Variants in KDM4B observed in about 807,000 individuals in gnomAD.
KDM4B encodes lysine-specific demethylase 4B.
A neutral mutation model predicts 125.2 loss-of-function variants in KDM4B; 32 were observed. The ratio of observed to expected loss-of-function variants is 0.26; its 90% confidence interval spans 0.19 to 0.34. KDM4B has a LOEUF of 0.34. KDM4B is among the 10% of genes least tolerant of loss of function. The probability of loss-of-function intolerance (pLI) is 1.00; values close to 1 mark genes in which losing one functional copy is unlikely to be tolerated. For synonymous variants in KDM4B, 721 were observed against 677.9 expected, an observed-to-expected ratio of 1.06 and a Z score of -0.99; for missense variants, 1,190 against 1,577.7, an observed-to-expected ratio of 0.75 and a Z score of 4.16.
chr19:4,984,651 C>T (rs1348001385), intron 1 of KDM4B, among the ~76,000 whole-genome samples: 1 of 152,132 alleles, frequency 6.6e-6, no homozygotes, highest in Non-Finnish European at 1.5e-5. Flanking sequence ...AGAACATGCC[C>T]CTCTGCTGCA....
At chr19:5,064,898 C>G (rs2037718975) in intron 6 of KDM4B, among the ~76,000 whole-genome samples, 1 of 152,230 alleles carries the variant, frequency 6.6e-6, no homozygotes, top group Non-Finnish European at 1.5e-5. Flanking sequence ...GCCCCGATCT[C>G]GGGTTTTCTG....
intron 18 of KDM4B, among the ~76,000 whole-genome samples, chr19:5,139,524 G>A (rs539014862): frequency 2.6e-5 from 4 of 152,296 alleles, no homozygotes; most frequent in East Asian, 1.9e-4. Context: ...GCGGCTGGAC[G>A]GACTCCCATC....
Position 5,144,009 on chromosome 19 carries a change from G to A in KDM4B, c.2593G>A (p.Ala865Thr), listed in dbSNP as rs1166097167. The change falls in exon 19 of 23, where the codon GCC becomes ACC. Residue 865 changes from alanine (A) to threonine (T), a missense_variant. Physicochemically the swap from Ala to Thr is moderately conservative, Grantham distance 58. Coordinates refer to ENST00000159111, the MANE Select transcript of KDM4B (RefSeq NM_015015.3). ...CRKRMKKVSG[A>T]CIQCSYEHCS... Reference sequence around the variant, plus strand: ...GAAGCGGATGAAGAAGGTGTCAGGTGCCTGTATCCAGTGCTCCTACGAGCA... The same window carrying A: ...GAAGCGGATGAAGAAGGTGTCAGGTACCTGTATCCAGTGCTCCTACGAGCA... 2 of 1,591,368 alleles carry A rather than the reference G, an allele frequency of 1.3e-6. No individual in the cohort carries two copies. Among genetic ancestry groups the A allele is most frequent in the South Asian group, 1.1e-5 (1 of 90,634 alleles).
chr19:5,014,572 G>T (rs2035833491), intron 1 of KDM4B, among the ~76,000 whole-genome samples: 1 of 152,048 alleles, frequency 6.6e-6, no homozygotes, highest in South Asian at 2.1e-4. Context: ...ACCGCGCCTG[G>T]CCTAAGTTTT....
intron 18 of KDM4B, among the ~76,000 whole-genome samples, chr19:5,139,611 G>T (rs942340959): frequency 1.3e-5 from 2 of 152,202 alleles, no homozygotes; most frequent in Admixed American, 1.3e-4. Context: ...TGTAGCAGCC[G>T]CCCTAGCAGG....
In KDM4B at chr19:5,082,586, T is replaced by C; in HGVS notation, c.918+82T>C. 6.9e-7 allele frequency: 1 copy of C among 1,449,768 alleles called. No homozygotes were observed. Among genetic ancestry groups the C allele is most frequent in the Non-Finnish European group, 9.2e-7 (1 of 1,086,420 alleles). 89.8% of individuals were successfully genotyped at this position (1,449,768 alleles called of 1,614,324 possible). ...GCCTCTGCAGCCACACGCCCATAGC[T>C]GGTCCAGCAGCCGTTTCGCTCAGCC... On this transcript the variant is annotated intron_variant, in intron 9 of 22. Coordinates refer to ENST00000159111, the MANE Select transcript of KDM4B (RefSeq NM_015015.3). The surrounding 1 kb of genome is among the most constrained non-coding windows in gnomAD (Gnocchi z 5.4).
At chr19:5,072,110 T>C (rs1246115304) in intron 7 of KDM4B, among the ~76,000 whole-genome samples, 2 of 152,190 alleles carry the variant, frequency 1.3e-5, no homozygotes, top group Non-Finnish European at 2.9e-5. Flanking sequence ...CAGTACAGGC[T>C]CCCGGGACTG....
At chr19:5,111,561 C>A (rs756168096) in intron 10 of KDM4B, 1 of 757,558 alleles carries the variant, frequency 1.3e-6, no homozygotes. Flanking sequence ...ACCGGCCTCC[C>A]CAGCCCCTCC....
At chr19:4,986,985 C>A (rs901412121) in intron 1 of KDM4B, among the ~76,000 whole-genome samples, 1 of 151,316 alleles carries the variant, frequency 6.6e-6, no homozygotes, top group African/African-American at 2.4e-5. Context: ...GAGACGGAGT[C>A]TTGCTCTGTC....
rs1170077698 is a variant in KDM4B at position 5,151,856 on chromosome 19, GCT to G, written c.*348_*349del. The G allele has an allele frequency of 3.5e-5, 9 of 257,348 alleles. No individual in the cohort carries two copies. The highest frequency in any genetic ancestry group is 2.0e-4 in the African/African-American group (9 of 45,186). 15.9% of individuals were successfully genotyped at this position (257,348 alleles called of 1,614,324 possible). On this transcript the variant is annotated 3_prime_UTR_variant, in exon 23 of 23. Transcript: ENST00000159111. The stretch of plus-strand genomic sequence containing the variant: ...TCTGTACATAAACCACCTTTGTGAG[GCT>G]CTTTCTATAAATACATATTGTTTAA...
chr19:5,040,374 A>G (rs1489921993), intron 4 of KDM4B, among the ~76,000 whole-genome samples: 2 of 152,078 alleles, frequency 1.3e-5, no homozygotes, highest in Non-Finnish European at 2.9e-5. Context: ...GGCACACAGG[A>G]GGGCACAGAC....
intron 1 of KDM4B, among the ~76,000 whole-genome samples, chr19:4,993,533 G>A (rs767498615): frequency 1.3e-5 from 2 of 151,450 alleles, no homozygotes; most frequent in Non-Finnish European, 2.9e-5. Context: ...ATGCATATAT[G>A]TTTATAATTG....
At chr19:5,137,412 T>TG (rs887443008) in intron 16 of KDM4B, 74 bp downstream of exon 16, 2 of 1,404,912 alleles carry the variant, frequency 1.4e-6, no homozygotes, top group African/African-American at 2.8e-5. Context: ...GGGGTGACTT[T>TG]GGGGCGTAGT....
Position 5,033,611 on chromosome 19 carries a change from CTT to C in KDM4B, c.141+584_141+585del, listed in dbSNP as rs2036527046. Among the ~76,000 whole-genome samples the C allele has an allele frequency of 3.9e-5, 6 of 152,266 alleles. No homozygotes were observed. The South Asian group carries it at 1.2e-3, about 32-fold the overall frequency. ...CAAGTCAGACCACACCAGAAACAAT[CTT>C]TTTGAGATGGCAGAGTGACTGGGTC... On this transcript the variant is annotated intron_variant, in intron 3 of 22. Coordinates refer to ENST00000159111, the MANE Select transcript of KDM4B (RefSeq NM_015015.3).
chr19:5,060,488 G>A (rs994231221), intron 6 of KDM4B, among the ~76,000 whole-genome samples: 7 of 140,470 alleles, frequency 5.0e-5, no homozygotes, highest in African/African-American at 1.8e-4. Context: ...TTCTCCAGCT[G>A]CAGTCCCTGT....
At chr19:5,120,914 TCA>T (rs1262778151) in intron 11 of KDM4B, among the ~76,000 whole-genome samples, 1 of 152,164 alleles carries the variant, frequency 6.6e-6, no homozygotes, top group Non-Finnish European at 1.5e-5. Context: ...GTCCTAGTCC[TCA>T]GTTTCCCTCT....
intron 7 of KDM4B, among the ~76,000 whole-genome samples, chr19:5,073,831 C>A (rs2038020388): frequency 6.6e-6 from 1 of 152,160 alleles, no homozygotes; most frequent in South Asian, 2.1e-4. Flanking sequence ...AAAGTATGGA[C>A]TCTGGCCAGG....
intron 6 of KDM4B, among the ~76,000 whole-genome samples, chr19:5,051,317 G>A (rs958963755): frequency 3.9e-5 from 6 of 152,372 alleles, no homozygotes; most frequent in African/African-American, 1.2e-4. Context: ...CTGGGAAAGT[G>A]CCCACTGTTC....
rs1342182207 is a variant in KDM4B, at chr19:5,082,696, G to A, written c.918+192G>A. On this transcript the variant is annotated intron_variant, in intron 9 of 22. Transcript: ENST00000159111. The surrounding 1 kb of genome is among the most constrained non-coding windows in gnomAD (Gnocchi z 5.4). The stretch of plus-strand genomic sequence containing the variant: ...AACGCTCCTTACCTCGAAGACTGGA[G>A]AGGAGGTGGGCAGGTCGGGTGGACG... 2.0e-5 allele frequency among the ~76,000 whole-genome samples: 3 copies of A among 152,238 alleles called. No individual in the cohort carries two copies. The highest frequency in any genetic ancestry group is 7.2e-5 in the African/African-American group (3 of 41,456).
Sources: allele counts gnomAD v4.1 joint callset (sites outside exome capture counted in the v4.1 genomes callset), GRCh38; gene constraint gnomAD v4.1.1; non-coding constraint Gnocchi (gnomAD v3.1); transcripts MANE v1.5; gene names NCBI Gene and HGNC (gene_info 2026-07-23, HGNC 2026-07-21).